Variants in NRG3 observed in about 807,000 individuals in gnomAD.
The protein encoded by NRG3 is neuregulin 3.
In NRG3, 31 loss-of-function variants were observed where a neutral mutation model predicts 66.9. The observed-to-expected ratio is 0.46, with a 90% CI of 0.35 to 0.63. The LOEUF (loss-of-function observed/expected upper bound fraction) is 0.63. Ranked by LOEUF, NRG3 falls within the 20% of genes least tolerant of loss-of-function variation. The probability of loss-of-function intolerance (pLI) is 0.00; values close to 1 mark genes in which losing one functional copy is unlikely to be tolerated. For missense variants in NRG3, 910 were observed against 878.9 expected, an observed-to-expected ratio of 1.04 and a Z score of -0.45; for synonymous variants, 393 against 359.4, an observed-to-expected ratio of 1.09 and a Z score of -1.06.
chr10:82,440,320 C>T (rs2090368194), intron 2 of NRG3, among the ~76,000 whole-genome samples: 2 of 147,392 alleles, frequency 1.4e-5, no homozygotes, highest in African/African-American at 2.5e-5. Context: ...TTTTACTTCT[C>T]TCATTTAAAA....
intron 3 of NRG3, among the ~76,000 whole-genome samples, chr10:82,775,952 A>T (rs2059897625): frequency 6.6e-6 from 1 of 152,172 alleles, no homozygotes; most frequent in Non-Finnish European, 1.5e-5. Flanking sequence ...CATAGTAGAC[A>T]CTTGAAATAT....
intron 1 of NRG3, among the ~76,000 whole-genome samples, chr10:82,020,362 A>G (rs1214116161): frequency 6.6e-6 from 1 of 152,070 alleles, no homozygotes. Flanking sequence ...AGGGTTCTAC[A>G]AATGTCCCTT....
chr10:82,009,452 C>T (rs2061494532), intron 1 of NRG3, among the ~76,000 whole-genome samples: 1 of 152,150 alleles, frequency 6.6e-6, no homozygotes, highest in South Asian at 2.1e-4. Flanking sequence ...CATACCTAGT[C>T]TGTGAACAGA....
intron 4 of NRG3, among the ~76,000 whole-genome samples, chr10:82,884,895 A>C (rs529156287): frequency 9.8e-5 from 15 of 152,340 alleles, no homozygotes; most frequent in African/African-American, 3.4e-4. Context: ...ATATATACAA[A>C]AAATATTGAT....
chr10:82,747,266 C>T (rs561770705), intron 3 of NRG3, among the ~76,000 whole-genome samples: 17 of 151,640 alleles, frequency 1.1e-4, no homozygotes, highest in South Asian at 4.2e-4. Context: ...AAGAATTTAA[C>T]GTAAATTATT....
chr10:82,913,179 C>G (rs746432053), intron 4 of NRG3, among the ~76,000 whole-genome samples: 2 of 152,058 alleles, frequency 1.3e-5, no homozygotes, highest in Admixed American at 1.3e-4. Context: ...GAGCTGGGAT[C>G]ATGCCACTGC....
chr10:82,338,081 A>G (rs921182169), intron 1 of NRG3, among the ~76,000 whole-genome samples: 2 of 152,216 alleles, frequency 1.3e-5, no homozygotes, highest in Admixed American at 1.3e-4. Flanking sequence ...ACATGACTGA[A>G]TAAAGCATGA....
intron 3 of NRG3, among the ~76,000 whole-genome samples, chr10:82,846,542 G>A (rs985424018): frequency 6.6e-6 from 1 of 152,148 alleles, no homozygotes. Flanking sequence ...GCTGTTTAAT[G>A]TTCATTTATG....
At chr10:82,746,675 G>A (rs2058659366) in intron 3 of NRG3, among the ~76,000 whole-genome samples, 1 of 152,078 alleles carries the variant, frequency 6.6e-6, no homozygotes, top group African/African-American at 2.4e-5. Flanking sequence ...TCTGCGTGTG[G>A]TGTTTTGTCT....
At chr10:82,395,944 A>G (rs1369076857) in intron 2 of NRG3, among the ~76,000 whole-genome samples, 14 of 152,262 alleles carry the variant, frequency 9.2e-5, no homozygotes, top group Admixed American at 9.2e-4. Flanking sequence ...TTTATTTAGT[A>G]AAATGTAATT....
At chr10:82,383,421 CT>C (rs922998812) in intron 2 of NRG3, among the ~76,000 whole-genome samples, 1 of 118,440 alleles carries the variant, frequency 8.4e-6, no homozygotes, top group Non-Finnish European at 1.6e-5. Flanking sequence ...TATGTTTTTC[CT>C]TTTTTAAAAA....
chr10:82,254,477 G>T (rs780991464), intron 1 of NRG3, among the ~76,000 whole-genome samples: 25 of 152,184 alleles, frequency 1.6e-4, no homozygotes, highest in Non-Finnish European at 3.4e-4. Flanking sequence ...CTCAGTGACA[G>T]TGAGCACACC....
intron 1 of NRG3, among the ~76,000 whole-genome samples, chr10:82,081,797 G>A (rs1457546303): frequency 6.6e-6 from 1 of 152,212 alleles, no homozygotes; most frequent in Non-Finnish European, 1.5e-5. Flanking sequence ...TGTGCCACAT[G>A]ATTCACATTA....
At chr10:82,417,695 C>G (rs368500552) in intron 2 of NRG3, among the ~76,000 whole-genome samples, 56 of 152,272 alleles carry the variant, frequency 3.7e-4, no homozygotes, top group African/African-American at 1.3e-3. Context: ...TGTTCACAGT[C>G]AGCGAAATGG....
At chr10:82,196,436 T>G (rs576472211) in intron 1 of NRG3, among the ~76,000 whole-genome samples, 1 of 152,288 alleles carries the variant, frequency 6.6e-6, no homozygotes, top group African/African-American at 2.4e-5. Flanking sequence ...GAAAGTACAC[T>G]GGCCTGAGAA....
intron 4 of NRG3, among the ~76,000 whole-genome samples, chr10:82,921,910 A>G (rs1240606944): frequency 1.3e-5 from 2 of 152,146 alleles, no homozygotes; most frequent in Admixed American, 1.3e-4. Context: ...TGATCAAATG[A>G]TCTGGAAAGT....
At chr10:82,476,978 A>C (rs1841839704) in intron 2 of NRG3, among the ~76,000 whole-genome samples, 1 of 152,188 alleles carries the variant, frequency 6.6e-6, no homozygotes. Flanking sequence ...ATTCATCCAG[A>C]CTTTCCCTTT....
chr10:82,949,889 A>G (rs1380215933), intron 4 of NRG3, among the ~76,000 whole-genome samples: 1 of 152,052 alleles, frequency 6.6e-6, no homozygotes, highest in Non-Finnish European at 1.5e-5. Context: ...AAAACCAAAA[A>G]GATCCTGATT....
chr10:82,349,471 T>C (rs1482222332), intron 1 of NRG3, among the ~76,000 whole-genome samples: 1 of 151,448 alleles, frequency 6.6e-6, no homozygotes, highest in African/African-American at 2.4e-5. Context: ...TCTTCAAAGC[T>C]GTCAGACAGG....
Sources: allele counts gnomAD v4.1 joint callset (sites outside exome capture counted in the v4.1 genomes callset), GRCh38; gene constraint gnomAD v4.1.1; transcripts MANE v1.5; gene names NCBI Gene and HGNC (gene_info 2026-07-23, HGNC 2026-07-21).